SCAF4: variants seen among roughly 807,000 people sequenced by gnomAD.
SCAF4 encodes the protein SR-related CTD associated factor 4.
A neutral mutation model predicts 129.8 loss-of-function variants in SCAF4; 25 were observed. That is an observed-to-expected ratio of 0.19 (90% CI 0.14 to 0.27). SCAF4 has a LOEUF of 0.27. SCAF4 is among the 10% of genes least tolerant of loss of function. SCAF4 has a pLI of 1.00. For synonymous variants in SCAF4, 551 were observed against 497.7 expected (o/e 1.11, Z -1.43); for missense variants, 1,246 against 1,457.1 (o/e 0.86, Z 2.36).
intron 19 of SCAF4, among the ~76,000 whole-genome samples, chr21:31,683,057 T>C (rs2050032382): frequency 6.6e-6 from 1 of 152,254 alleles, no homozygotes; most frequent in South Asian, 2.1e-4. Flanking sequence ...AAAATTGTTT[T>C]CACTTTTCTT....
chr21:31,703,887 C>A lies in SCAF4; in HGVS notation c.199G>T (p.Asp67Tyr). Residue 67 changes from aspartate (D) to tyrosine (Y), a missense_variant, in exon 4 of 20, where the codon GAC becomes TAC. Asp to Tyr is a radical substitution (Grantham distance 160, BLOSUM62 -3). Around this residue, in one of 6 missense-constraint regions of SCAF4, gnomAD observed 56 missense variants for 139.4 expected, o/e 0.40. Transcript: ENST00000286835. ...TGACGAGACTGTCGCACAATTGAGTCAATTACATATAATCCCGGAACCTTG... is the reference window on the plus strand; with the variant it reads ...TGACGAGACTGTCGCACAATTGAGTAAATTACATATAATCCCGGAACCTTG... ...EYKVPGLYVI[D>Y]SIVRQSRHQF... is the part of the protein sequence containing the mutation. 1 of 1,594,126 alleles carries A rather than the reference C, an allele frequency of 6.3e-7. No individual in the cohort carries two copies. The highest frequency in any genetic ancestry group is 1.1e-5 in the South Asian group (1 of 88,084).
At chr21:31,710,028 AT>A in intron 1 of SCAF4, among the ~76,000 whole-genome samples, 1 of 152,072 alleles carries the variant, frequency 6.6e-6, no homozygotes, top group East Asian at 1.9e-4. Flanking sequence ...GAAAAGGAAT[AT>A]AGGGGGAAAA....
Position 31,685,160 on chromosome 21 carries a change from T to C in SCAF4, c.2377A>G (p.Arg793Gly). Residue 793 changes from arginine to glycine, a missense_variant, in exon 19 of 20, where the codon AGA becomes GGA. Transcript: ENST00000286835. ...NPIPTVVSGA[R>G]GNAESGDSVK... ...CTGTCACCAGACTCGGCGTTTCCTC[T>C]AGCCCCAGACACCACTGTTGGAATG... is the stretch of plus-strand genomic sequence containing the variant. 1 of 1,612,876 alleles carries C rather than the reference T, an allele frequency of 6.2e-7. No homozygotes were observed. Among genetic ancestry groups the C allele is most frequent in the Non-Finnish European group, 8.5e-7 (1 of 1,179,562 alleles).
chr21:31,672,110 C>A lies in SCAF4; in HGVS notation c.2733G>T (p.Pro911=), dbSNP rs765206355. The change falls in exon 20 of 20, where the codon CCG becomes CCT. Residue 911 remains proline (P), a synonymous_variant. Coordinates refer to ENST00000286835, the MANE Select transcript of SCAF4 (RefSeq NM_020706.2). ...PPHGMKGPFP[P]HGPFVRPGGM... ...CACCAGGCCTAACAAAGGGGCCATG[C>A]GGTGGGAAGGGACCTTTCATTCCAT... The A allele has an allele frequency of 2.5e-6, 4 of 1,612,262 alleles. No individual in the cohort carries two copies. The South Asian group carries it at 3.3e-5, about 13-fold the overall frequency.
chr21:31,696,501 T>C (rs2050388950), intron 8 of SCAF4, 68 bp downstream of exon 8: 2 of 1,360,858 alleles, frequency 1.5e-6, no homozygotes, highest in Admixed American at 4.8e-5. Flanking sequence ...TTGCTAAATG[T>C]TACTTAGGTT....
At chr21:31,691,283 C>T (rs1369938504) in intron 14 of SCAF4, among the ~76,000 whole-genome samples, 1 of 152,196 alleles carries the variant, frequency 6.6e-6, no homozygotes, top group Non-Finnish European at 1.5e-5. Flanking sequence ...CTGGGGACTA[C>T]TTTTCCAAGT....
intron 1 of SCAF4, among the ~76,000 whole-genome samples, chr21:31,707,290 T>C (rs2050690977): frequency 6.6e-6 from 1 of 152,048 alleles, no homozygotes; most frequent in South Asian, 2.1e-4. Flanking sequence ...GAGGTGGAGG[T>C]TGCAGTGAGC....
rs73201528 is a variant in SCAF4, at chr21:31,704,194, C to T, written c.160-268G>A. Among the ~76,000 whole-genome samples, 205 of 152,142 alleles carry T rather than the reference C, an allele frequency of 1.3e-3. 1 individual carries two copies. Among genetic ancestry groups the T allele is most frequent in the Non-Finnish European group, 2.0e-3 (138 of 67,930 alleles). ...CCTACACCCAATGTCCCAAAATCGA[C>T]ATTACTTTACCAATCCTTAAGCCAG... On this transcript the variant is annotated intron_variant, in intron 3 of 19. Transcript: ENST00000286835.
In SCAF4 at chr21:31,702,270, A is replaced by G. The variant is rs1262383256; in HGVS notation, c.431T>C (p.Val144Ala). 1 of 1,614,110 alleles carries G rather than the reference A, an allele frequency of 6.2e-7. No homozygotes were observed. Among genetic ancestry groups the G allele is most frequent in the South Asian group, 1.1e-5 (1 of 91,072 alleles). Reference protein sequence around the residue: ...MAAGTSNAAPVAENVTNNEGS... With the variant: ...MAAGTSNAAPAAENVTNNEGS... ...TTCATTATTGGTAACATTTTCTGCT[A>G]CTGGGGCTGCATTACTGGTTCCCGC... The change falls in exon 5 of 20, where the codon GTA becomes GCA. Residue 144 changes from valine to alanine, a missense_variant. Around this residue, in one of 6 missense-constraint regions of SCAF4, gnomAD observed 143 missense variants for 161.0 expected, o/e 0.89. Transcript: ENST00000286835.
chr21:31,689,242 C>T (rs1356362656), intron 15 of SCAF4, among the ~76,000 whole-genome samples: 2 of 152,014 alleles, frequency 1.3e-5, no homozygotes, highest in African/African-American at 4.8e-5. Flanking sequence ...AATAGTACAG[C>T]ATTGTTTCAT....
At chr21:31,719,867 T>G (rs181395688) in intron 1 of SCAF4, among the ~76,000 whole-genome samples, 1 of 152,336 alleles carries the variant, frequency 6.6e-6, no homozygotes, top group African/African-American at 2.4e-5. Context: ...CACTCAAACT[T>G]TCCACTTTTA....
At chr21:31,676,141 T>C (rs1257833574) in intron 19 of SCAF4, among the ~76,000 whole-genome samples, 1 of 152,108 alleles carries the variant, frequency 6.6e-6, no homozygotes, top group Non-Finnish European at 1.5e-5. Flanking sequence ...TTCAGTGAGA[T>C]CTTTACAGAA....
intron 9 of SCAF4, among the ~76,000 whole-genome samples, chr21:31,695,880 T>C (rs1306987269): frequency 6.6e-6 from 1 of 152,242 alleles, no homozygotes; most frequent in African/African-American, 2.4e-5. Context: ...CTGTAATCTC[T>C]ACATTATTTT....
At chr21:31,673,353 T>G (rs1261179687) in intron 19 of SCAF4, among the ~76,000 whole-genome samples, 1 of 150,494 alleles carries the variant, frequency 6.6e-6, no homozygotes, top group Non-Finnish European at 1.5e-5. Context: ...TTCCAGGTAC[T>G]GTTAAGAACA....
At chr21:31,725,390 C>T (rs1365563474) in intron 1 of SCAF4, among the ~76,000 whole-genome samples, 1 of 152,154 alleles carries the variant, frequency 6.6e-6, no homozygotes, top group Non-Finnish European at 1.5e-5. Context: ...GTACCAAGCT[C>T]CCACTAAGAT....
At chr21:31,700,747 T>C (rs1342223981) in intron 7 of SCAF4, 18 of 414,490 alleles carry the variant, frequency 4.3e-5, no homozygotes, top group Middle Eastern at 7.1e-4. Flanking sequence ...TTTTCTTTTT[T>C]TTTTTTTTTT....
chr21:31,725,226 G>A (rs942010095), intron 1 of SCAF4, among the ~76,000 whole-genome samples: 1 of 151,822 alleles, frequency 6.6e-6, no homozygotes, highest in African/African-American at 2.4e-5. Flanking sequence ...TTAGATAAAC[G>A]TCTCAGAAAT....
intron 18 of SCAF4, 76 bp downstream of exon 18, chr21:31,685,322 C>T: frequency 2.0e-6 from 3 of 1,493,558 alleles, no homozygotes; most frequent in South Asian, 2.4e-5. Flanking sequence ...TACTATAGAT[C>T]CTATTACCGC....
At position 31,717,902 on chromosome 21, in the gene SCAF4, T is replaced by TACACACAC. The variant is rs1364665234; in HGVS notation, c.31-11546_31-11545insGTGTGTGT. On this transcript the variant is annotated intron_variant, in intron 1 of 19. Coordinates refer to ENST00000286835, the MANE Select transcript of SCAF4 (RefSeq NM_020706.2). Reference sequence around the variant, plus strand: ...ACATATATACACATATATACACATATATACACACACACACACACACACACA... The same window carrying TACACACAC: ...ACATATATACACATATATACACATATACACACACATACACACACACACACACACACACA... 6.2e-4 allele frequency among the ~76,000 whole-genome samples: 59 copies of TACACACAC among 95,598 alleles called. 1 individual carries two copies. The highest frequency in any genetic ancestry group is 1.7e-3 in the African/African-American group (41 of 23,650). The allele number at this position is 95,598 out of a possible 152,430, so 62.7% of individuals were successfully genotyped here. A position where few individuals can be genotyped will look rare whatever the true frequency, so the allele number is the denominator to read the frequency against.
Sources: gnomAD v4.1 joint callset for allele counts (sites outside exome capture counted in the v4.1 genomes callset) on GRCh38, gnomAD v4.1.1 for gene constraint, gnomAD v4.1.1 regional missense constraint, MANE v1.5 for transcripts, NCBI Gene and HGNC (gene_info 2026-07-23, HGNC 2026-07-21) for gene names.